ZNF273: variants seen among roughly 807,000 people sequenced by gnomAD.
The protein encoded by ZNF273 is zinc finger protein 9.
Under a neutral mutation model 14.9 loss-of-function variants are expected in ZNF273, and 11 were observed. That is an observed-to-expected ratio of 0.74 (90% CI 0.46 to 1.22). The LOEUF (loss-of-function observed/expected upper bound fraction) is 1.22. Among genes scored for constraint, ZNF273 ranks in the 50% most tolerant of loss-of-function variants. The pLI is 0.00. For synonymous variants in ZNF273, 199 were observed against 223.9 expected (o/e 0.89, Z 0.99); for missense variants, 577 against 660.6 (o/e 0.87, Z 1.39).
At chr7:64,886,791 C>G (rs945272949) in intron 1 of ZNF273, among the ~76,000 whole-genome samples, 1 of 152,194 alleles carries the variant, frequency 6.6e-6, no homozygotes, top group African/African-American at 2.4e-5. Flanking sequence ...TTTTTACTTT[C>G]CATCAAAACA....
Position 64,912,833 on chromosome 7 carries a change from T to TTTTTTTTTTTTG in ZNF273, c.103-4737_103-4736insGTTTTTTTTTTT. ...GACTCAGGATTCATTTTAGTTTTTT[T>TTTTTTTTTTTTG]TTTTTTTTTTTTTGAGATTGAGTTT... On this transcript the variant is annotated intron_variant, in intron 1 of 3. Transcript: ENST00000476120. Among the ~76,000 whole-genome samples the TTTTTTTTTTTTG allele has an allele frequency of 5.5e-5, 2 of 36,546 alleles. 1 individual carries two copies. The highest frequency in any genetic ancestry group is 1.2e-4 in the Non-Finnish European group (2 of 16,304). The allele number at this position is 36,546 out of a possible 152,430, so 24.0% of individuals were successfully genotyped here.
intron 1 of ZNF273, chr7:64,917,099 CA>C (rs1165556032): frequency 1.6e-6 from 2 of 1,285,218 alleles, no homozygotes; most frequent in Admixed American, 2.3e-5. Context: ...CTTCTTGGGC[CA>C]AAAACATTGG....
intron 1 of ZNF273, among the ~76,000 whole-genome samples, chr7:64,908,295 T>C (rs970442626): frequency 6.6e-6 from 1 of 152,274 alleles, no homozygotes; most frequent in African/African-American, 2.4e-5. Context: ...TGATTTGTTA[T>C]ATACATAAAA....
chr7:64,926,814 G>A (rs1480733762), intron 3 of ZNF273, among the ~76,000 whole-genome samples: 2 of 152,064 alleles, frequency 1.3e-5, no homozygotes, highest in Non-Finnish European at 2.9e-5. Context: ...AATTTTTTGG[G>A]TTTTTTAGTT....
chr7:64,906,766 G>A lies in ZNF273; in HGVS notation c.102+3347G>A, dbSNP rs532669430. ...GTTAAGATGGAAGGGGATTAGGAAGGTCTTACTGGAGATGAAGTTGTTACT... is the reference window on the plus strand; with the variant it reads ...GTTAAGATGGAAGGGGATTAGGAAGATCTTACTGGAGATGAAGTTGTTACT... On this transcript the variant is annotated intron_variant, in intron 1 of 3. Transcript: ENST00000476120. Among the ~76,000 whole-genome samples, 37 of 152,222 alleles carry A rather than the reference G, an allele frequency of 2.4e-4. No individual in the cohort carries two copies. In the East Asian group the frequency reaches 6.4e-3, roughly 26 times the overall value.
rs140439265 is a variant in ZNF273 at position 64,927,736 on chromosome 7, T to C, written c.408T>C (p.Tyr136=). 3.7e-4 allele frequency: 590 copies of C among 1,613,100 alleles called. 4 individuals carry two copies. The South Asian group carries it at 3.7e-3, about 10-fold the overall frequency. Residue 136 remains tyrosine (Y), a synonymous_variant, in exon 4 of 4, where the codon TAT becomes TAC. Transcript: ENST00000476120. ...TTCAAAAAGTGATACTGAGAAGATA[T>C]GGAAAATATGGACATGAGAATTTAC... The part of the protein sequence containing the change: ...DSFQKVILRR[Y]GKYGHENLQL...
At chr7:64,896,707 G>A (rs909460790) in intron 3 of ZNF273, among the ~76,000 whole-genome samples, 4 of 151,910 alleles carry the variant, frequency 2.6e-5, no homozygotes, top group East Asian at 1.9e-4. Flanking sequence ...AATGCAGATC[G>A]CAGCTCCAAG....
rs771059441 is a variant in ZNF273, at chr7:64,928,976, G to A, written c.1648G>A (p.Ala550Thr). The change falls in exon 4 of 4, where the codon GCT becomes ACT. Residue 550 changes from alanine (A) to threonine (T), a missense_variant. Physicochemically the swap from Ala to Thr is moderately conservative, Grantham distance 58 (BLOSUM62 0). Transcript: ENST00000476120. ...KPYKPKRCDS[A>T]FDNTPNFSRH... ...ATACAAACCTAAAAGATGTGACAGT[G>A]CTTTTGACAACACCCCAAACTTTTC... 1 of 1,593,276 alleles carries A rather than the reference G, an allele frequency of 6.3e-7. No homozygotes were observed. The highest frequency in any genetic ancestry group is 1.1e-5 in the South Asian group (1 of 87,444).
At chr7:64,900,254 G>A (rs1421821875), upstream of ZNF273, among the ~76,000 whole-genome samples, 1 of 151,938 alleles carries the variant, frequency 6.6e-6, no homozygotes, top group Non-Finnish European at 1.5e-5. Context: ...AGACTCCTGA[G>A]TAGCTGGGAA....
intron 1 of ZNF273, among the ~76,000 whole-genome samples, chr7:64,906,662 C>T (rs1420469485): frequency 1.4e-5 from 2 of 146,434 alleles, no homozygotes; most frequent in Non-Finnish European, 3.0e-5. Flanking sequence ...CTGCTCACAC[C>T]AGCCATGAAG....
intron 3 of ZNF273, among the ~76,000 whole-genome samples, chr7:64,925,220 A>AGTT (rs71061332): frequency 0.58 from 87,482 of 151,658 alleles, 25,439 homozygotes; most frequent in East Asian, 0.7. Flanking sequence ...TCATTTTATT[A>AGTT]GTTTTATTTG....
At chr7:64,902,330 G>T (rs1347260614), upstream of ZNF273, among the ~76,000 whole-genome samples, 2 of 151,920 alleles carry the variant, frequency 1.3e-5, no homozygotes, top group Non-Finnish European at 2.9e-5. Context: ...AGCTAGGAAG[G>T]TCGTAAAATC....
chr7:64,898,392 C>T (rs890504105), upstream of ZNF273, among the ~76,000 whole-genome samples: 1 of 152,126 alleles, frequency 6.6e-6, no homozygotes, highest in Admixed American at 6.5e-5. Context: ...GAGTAGTACT[C>T]GCGTGCCAAA....
At chr7:64,909,229 CTT>C (rs35538141) in intron 1 of ZNF273, among the ~76,000 whole-genome samples, 1 of 145,388 alleles carries the variant, frequency 6.9e-6, no homozygotes. Flanking sequence ...ATGTTTTCTT[CTT>C]TTTTTTTTTT....
chr7:64,909,671 G>A (rs1459139552), intron 1 of ZNF273, among the ~76,000 whole-genome samples: 1 of 149,616 alleles, frequency 6.7e-6, no homozygotes, highest in African/African-American at 2.6e-5. Flanking sequence ...TATTTTGGGG[G>A]GTATATAGAG....
At chr7:64,892,779 T>C (rs1792113828), downstream of ZNF273, among the ~76,000 whole-genome samples, 1 of 152,190 alleles carries the variant, frequency 6.6e-6, no homozygotes, top group South Asian at 2.1e-4. Context: ...GTCATTTGCA[T>C]GGAGCATGAA....
At chr7:64,900,565 C>T (rs183493782), upstream of ZNF273, among the ~76,000 whole-genome samples, 149 of 152,298 alleles carry the variant, frequency 9.8e-4, no homozygotes, top group Non-Finnish European at 1.0e-3. Flanking sequence ...GTGTGTTCAA[C>T]ATGGAGGCTC....
At chr7:64,921,636 T>TTGTGTGTG (rs1491013974) in intron 3 of ZNF273, among the ~76,000 whole-genome samples, 1 of 33,964 alleles carries the variant, frequency 2.9e-5, no homozygotes, top group African/African-American at 1.1e-4. Flanking sequence ...TTTTTTTTTT[T>TTGTGTGTG]TGTGTGTGAG....
At chr7:64,902,332 CG>C (rs2129054442), upstream of ZNF273, among the ~76,000 whole-genome samples, 1 of 151,826 alleles carries the variant, frequency 6.6e-6, no homozygotes, top group Non-Finnish European at 1.5e-5. Context: ...CTAGGAAGGT[CG>C]TAAAATCGGA....
Sources: gnomAD v4.1 joint callset for allele counts (sites outside exome capture counted in the v4.1 genomes callset) on GRCh38, gnomAD v4.1.1 for gene constraint, MANE v1.5 for transcripts, NCBI Gene and HGNC (gene_info 2026-07-23, HGNC 2026-07-21) for gene names.